Variants in BMP7 observed in about 807,000 individuals in gnomAD.
BMP7 encodes the protein bone morphogenetic protein 7, also known as osteogenic protein 1.
BMP7 carries 12 observed loss-of-function variants against 41.2 expected under a neutral mutation model. That is an observed-to-expected ratio of 0.29 (90% CI 0.19 to 0.47). The LOEUF (loss-of-function observed/expected upper bound fraction) is 0.47. Ranked by LOEUF, BMP7 falls within the 20% of genes least tolerant of loss-of-function variation. BMP7 has a pLI of 0.99. For synonymous variants in BMP7, 248 were observed against 250.0 expected (o/e 0.99, Z 0.07); for missense variants, 467 against 606.0 (o/e 0.77, Z 2.41).
At chr20:57,189,361 T>C (rs1428873142) in intron 3 of BMP7, among the ~76,000 whole-genome samples, 2 of 152,230 alleles carry the variant, frequency 1.3e-5, no homozygotes, top group Admixed American at 6.5e-5. Flanking sequence ...GCACCGGCTA[T>C]ACAATCTGCA....
intron 1 of BMP7, among the ~76,000 whole-genome samples, chr20:57,230,611 A>G (rs2066025444): frequency 6.7e-6 from 1 of 150,120 alleles, no homozygotes; most frequent in South Asian, 2.1e-4. Context: ...CTGAACCACC[A>G]TGCATCTCTG....
chr20:57,254,268 C>T (rs2066125594), intron 1 of BMP7, among the ~76,000 whole-genome samples: 1 of 152,010 alleles, frequency 6.6e-6, no homozygotes, highest in Non-Finnish European at 1.5e-5. Context: ...GATGACCCAC[C>T]CACCTCAGCC....
chr20:57,247,974 G>C (rs2066096883), intron 1 of BMP7, among the ~76,000 whole-genome samples: 1 of 152,166 alleles, frequency 6.6e-6, no homozygotes, highest in African/African-American at 2.4e-5. Flanking sequence ...CTGTTGGCTA[G>C]AGTTCTATAT....
chr20:57,221,910 A>G (rs1184812039), intron 2 of BMP7, among the ~76,000 whole-genome samples: 2 of 151,968 alleles, frequency 1.3e-5, no homozygotes, highest in East Asian at 1.9e-4. Context: ...ATTGCATGCA[A>G]TTAGCTTTTG....
At chr20:57,263,054 G>A (rs1244357680) in intron 1 of BMP7, among the ~76,000 whole-genome samples, 1 of 152,188 alleles carries the variant, frequency 6.6e-6, no homozygotes, top group East Asian at 1.9e-4. Context: ...GAAATTAAAG[G>A]CCAACATTAG....
chr20:57,263,441 G>A (rs2066161537), intron 1 of BMP7, among the ~76,000 whole-genome samples: 1 of 152,192 alleles, frequency 6.6e-6, no homozygotes, highest in Non-Finnish European at 1.5e-5. Flanking sequence ...GTTCCCAGAG[G>A]CACCCTCCGA....
chr20:57,202,693 GAAGCAGAGCCTCAT>G, intron 2 of BMP7, 70 bp from the exon 3 acceptor site: 1 of 772,302 alleles, frequency 1.3e-6, no homozygotes, highest in Non-Finnish European at 2.0e-6. Flanking sequence ...CAACAGATGG[GAAGCAGAGCCTCAT>G]GGGGTGGGAG....
chr20:57,242,072 A>T (rs2066071943), intron 1 of BMP7, among the ~76,000 whole-genome samples: 1 of 152,114 alleles, frequency 6.6e-6, no homozygotes, highest in African/African-American at 2.4e-5. Flanking sequence ...GTCTCCAGGG[A>T]TGTCTGGGTT....
rs544491934 is a variant in BMP7, at chr20:57,228,702, C to T, written c.419-281G>A. 6.6e-6 allele frequency among the ~76,000 whole-genome samples: 1 copy of T among 152,326 alleles called. No homozygotes were observed. The highest frequency in any genetic ancestry group is 2.1e-4 in the South Asian group (1 of 4,826). The stretch of plus-strand genomic sequence containing the variant: ...ACTAACCACAGCCATCCAAGAGGTC[C>T]TGGCCAGACTCAGGTCCCAGGGGCT... On this transcript the variant is annotated intron_variant, in intron 1 of 6. Coordinates refer to ENST00000395863, the MANE Select transcript of BMP7 (RefSeq NM_001719.3). This position sits in a 1 kb window ranked among gnomAD's most constrained non-coding sequence, Gnocchi z 4.5.
At chr20:57,245,708 G>A (rs1382128592) in intron 1 of BMP7, among the ~76,000 whole-genome samples, 7 of 146,608 alleles carry the variant, frequency 4.8e-5, no homozygotes, top group Non-Finnish European at 8.9e-5. Flanking sequence ...GCGTGATCTC[G>A]GTTCACTGCA....
chr20:57,172,216 C>T (rs1456744281), intron 6 of BMP7, among the ~76,000 whole-genome samples: 1 of 152,126 alleles, frequency 6.6e-6, no homozygotes, highest in Non-Finnish European at 1.5e-5. Context: ...ACATCCAGGC[C>T]AGGGAACAGG....
intron 1 of BMP7, among the ~76,000 whole-genome samples, chr20:57,231,058 T>A (rs2066027642): frequency 6.6e-6 from 1 of 152,174 alleles, no homozygotes. Flanking sequence ...CGGAGATTCC[T>A]CCAGGTCAAG....
At chr20:57,219,821 A>C (rs1985146754) in intron 2 of BMP7, among the ~76,000 whole-genome samples, 1 of 152,136 alleles carries the variant, frequency 6.6e-6, no homozygotes, top group African/African-American at 2.4e-5. Context: ...ATGCTCCTAA[A>C]GGCCTTTCCT....
intron 1 of BMP7, among the ~76,000 whole-genome samples, chr20:57,256,844 C>T (rs868848336): frequency 9.9e-5 from 15 of 151,754 alleles, no homozygotes; most frequent in African/African-American, 1.7e-4. Flanking sequence ...GCCAAGATCG[C>T]GCCACTGCAC....
intron 2 of BMP7, among the ~76,000 whole-genome samples, chr20:57,227,634 G>A (rs752566184): frequency 1.3e-5 from 2 of 152,124 alleles, no homozygotes; most frequent in Non-Finnish European, 2.9e-5. Flanking sequence ...TTTCTGCCTC[G>A]GGACTGTCTG....
At chr20:57,223,479 A>G (rs1176638967) in intron 2 of BMP7, among the ~76,000 whole-genome samples, 1 of 152,212 alleles carries the variant, frequency 6.6e-6, no homozygotes, top group Admixed American at 6.5e-5. Flanking sequence ...TCTGAGCCCC[A>G]GGTGAGGGAA....
intron 1 of BMP7, among the ~76,000 whole-genome samples, chr20:57,256,417 GCT>G (rs150037125): frequency 0.026 from 3,940 of 152,270 alleles, 174 homozygotes; most frequent in African/African-American, 0.089. Flanking sequence ...TTTCCTGGAC[GCT>G]CTCTGGTGCT....
chr20:57,251,955 AC>A (rs1259053085), intron 1 of BMP7, among the ~76,000 whole-genome samples: 5 of 152,102 alleles, frequency 3.3e-5, no homozygotes, highest in Admixed American at 3.3e-4. Context: ...GCAAAACAAA[AC>A]AAAACTCAGG....
intron 3 of BMP7, among the ~76,000 whole-genome samples, chr20:57,199,890 G>C (rs977039285): frequency 3.9e-5 from 6 of 152,214 alleles, no homozygotes; most frequent in Non-Finnish European, 7.3e-5. Flanking sequence ...CGGCCCCCAG[G>C]GCCCTGCCCA....
Sources: gnomAD v4.1 joint callset for allele counts (sites outside exome capture counted in the v4.1 genomes callset) on GRCh38, gnomAD v4.1.1 for gene constraint, Gnocchi (gnomAD v3.1) non-coding constraint, MANE v1.5 for transcripts, NCBI Gene and HGNC (gene_info 2026-07-23, HGNC 2026-07-21) for gene names.